ZNF521: variants seen among roughly 807,000 people sequenced by gnomAD.
ZNF521 encodes zinc finger protein 521.
ZNF521 carries 14 observed loss-of-function variants against 105.5 expected under a neutral mutation model. The observed-to-expected ratio is 0.13, with a 90% confidence interval of 0.09 to 0.21. ZNF521 has a LOEUF of 0.21. ZNF521 is among the 10% of genes least tolerant of loss of function. The pLI is 1.00. For synonymous variants in ZNF521, 635 were observed against 606.0 expected (o/e 1.05, Z -0.70); for missense variants, 1,233 against 1,629.7 (o/e 0.76, Z 4.19).
intron 3 of ZNF521, among the ~76,000 whole-genome samples, chr18:25,291,493 T>A (rs1911018233): frequency 6.6e-6 from 1 of 152,158 alleles, no homozygotes; most frequent in Non-Finnish European, 1.5e-5. Flanking sequence ...AAGTAATGAA[T>A]TTGAGCTTCA....
At chr18:25,256,077 A>C (rs989257100) in intron 3 of ZNF521, among the ~76,000 whole-genome samples, 2 of 150,084 alleles carry the variant, frequency 1.3e-5, no homozygotes, top group African/African-American at 4.9e-5. Flanking sequence ...ATTATTTATC[A>C]TTAAAGAAGA....
At chr18:25,130,267 T>C (rs1226331687) in intron 5 of ZNF521, among the ~76,000 whole-genome samples, 1 of 152,192 alleles carries the variant, frequency 6.6e-6, no homozygotes, top group Non-Finnish European at 1.5e-5. Flanking sequence ...ATTCCAAGTA[T>C]ATGACATTCT....
At chr18:25,135,251 T>C (rs1011680821) in intron 5 of ZNF521, among the ~76,000 whole-genome samples, 3 of 151,462 alleles carry the variant, frequency 2.0e-5, no homozygotes, top group Non-Finnish European at 2.9e-5. Context: ...ATTTTATATA[T>C]GTACACATAC....
chr18:25,245,342 C>T (rs1337849915), intron 3 of ZNF521, among the ~76,000 whole-genome samples: 1 of 152,156 alleles, frequency 6.6e-6, no homozygotes, highest in Non-Finnish European at 1.5e-5. Context: ...CATGCCTGGA[C>T]ACATGCATAG....
At chr18:25,093,261 G>T (rs946450132) in intron 5 of ZNF521, among the ~76,000 whole-genome samples, 2 of 152,104 alleles carry the variant, frequency 1.3e-5, no homozygotes, top group African/African-American at 4.8e-5. Flanking sequence ...ATATGGTGGA[G>T]CACACACCCA....
At chr18:25,315,279 CTTAA>C (rs1912541300) in intron 3 of ZNF521, among the ~76,000 whole-genome samples, 1 of 152,112 alleles carries the variant, frequency 6.6e-6, no homozygotes, top group Non-Finnish European at 1.5e-5. Flanking sequence ...AAGAGAGGGA[CTTAA>C]TTTTTTCTTT....
At chr18:25,116,357 G>A (rs2034301639) in intron 5 of ZNF521, among the ~76,000 whole-genome samples, 1 of 152,098 alleles carries the variant, frequency 6.6e-6, no homozygotes, top group African/African-American at 2.4e-5. Flanking sequence ...GGGTTGCATT[G>A]GGGTTGAGTG....
Position 25,225,947 on chromosome 18 carries a change from G to A in ZNF521, c.1971C>T (p.Leu657=), listed in dbSNP as rs773791451. ...DSFQTHLKTH[L]DTVLPKLTCP... ...AGGTCAATTTTGGAAGCACAGTGTC[G>A]AGATGAGTTTTTAGGTGAGTCTGAA... Residue 657 remains leucine (L), a synonymous_variant, in exon 4 of 8, where the codon CTC becomes CTT. Coordinates refer to ENST00000361524, the MANE Select transcript of ZNF521 (RefSeq NM_015461.3). The surrounding 1 kb of genome is among the most constrained non-coding windows in gnomAD (Gnocchi z 5.6). The A allele has an allele frequency of 5.7e-5, 92 of 1,614,100 alleles. 1 individual carries two copies. The South Asian group carries it at 6.1e-4, about 11-fold the overall frequency.
At chr18:25,083,209 G>A (rs2033542442) in intron 7 of ZNF521, among the ~76,000 whole-genome samples, 1 of 151,998 alleles carries the variant, frequency 6.6e-6, no homozygotes, top group Non-Finnish European at 1.5e-5. Context: ...GTAGTTAGAG[G>A]TTAAAAACCA....
intron 2 of ZNF521, among the ~76,000 whole-genome samples, chr18:25,327,923 C>A (rs1913327798): frequency 6.6e-6 from 1 of 152,090 alleles, no homozygotes; most frequent in Non-Finnish European, 1.5e-5. Flanking sequence ...GGCTGAGCAT[C>A]CCCGGAACCA....
intron 5 of ZNF521, among the ~76,000 whole-genome samples, chr18:25,191,056 T>C (rs2035809343): frequency 6.6e-6 from 1 of 152,196 alleles, no homozygotes; most frequent in South Asian, 2.1e-4. Context: ...GCTTTAACAT[T>C]ACACTTGATC....
chr18:25,131,996 G>C (rs1044442840), intron 5 of ZNF521, among the ~76,000 whole-genome samples: 1 of 152,044 alleles, frequency 6.6e-6, no homozygotes, highest in African/African-American at 2.4e-5. Flanking sequence ...TAGAAAGAAA[G>C]GATTTTTTAA....
intron 3 of ZNF521, among the ~76,000 whole-genome samples, chr18:25,241,054 CATCT>C (rs1266853582): frequency 6.6e-6 from 1 of 151,816 alleles, no homozygotes; most frequent in Non-Finnish European, 1.5e-5. Flanking sequence ...TTAGGCGTCT[CATCT>C]GTGTGTTTTA....
chr18:25,205,876 TA>T, intron 4 of ZNF521, among the ~76,000 whole-genome samples: 2 of 152,324 alleles, frequency 1.3e-5, no homozygotes, highest in East Asian at 3.9e-4. Context: ...TTATCTCATT[TA>T]AAAAATTCTC....
At chr18:25,121,273 CTTT>C (rs55714696) in intron 5 of ZNF521, among the ~76,000 whole-genome samples, 62 of 126,218 alleles carry the variant, frequency 4.9e-4, no homozygotes, top group South Asian at 3.5e-3. Context: ...CTTCTTCTTC[CTTT>C]TTTTTTTTTT....
rs77602032 is a variant in ZNF521 at position 25,100,233 on chromosome 18, A to C, written c.3659-8152T>G. On this transcript the variant is annotated intron_variant, in intron 5 of 7. Transcript: ENST00000361524. ...TGCTGATGATTTTTTAAACAACAAA[A>C]GCAAATCAAACAAACACAAGAAATT... Among the ~76,000 whole-genome samples, 1,203 of 152,298 alleles carry C rather than the reference A, an allele frequency of 7.9e-3. 14 individuals carry two copies. The highest frequency in any genetic ancestry group is 0.028 in the African/African-American group (1,165 of 41,568).
At chr18:25,215,647 A>C (rs191368639) in intron 4 of ZNF521, among the ~76,000 whole-genome samples, 1 of 152,328 alleles carries the variant, frequency 6.6e-6, no homozygotes, top group African/African-American at 2.4e-5. Flanking sequence ...TTTGAATTTC[A>C]TAAGTTCTAA....
At chr18:25,097,856 C>G (rs924832001) in intron 5 of ZNF521, among the ~76,000 whole-genome samples, 22 of 152,186 alleles carry the variant, frequency 1.4e-4, no homozygotes, top group African/African-American at 4.6e-4. Flanking sequence ...ACTTTATAAG[C>G]AAAGCCACTG....
At chr18:25,151,484 G>T (rs1405215664) in intron 5 of ZNF521, among the ~76,000 whole-genome samples, 1 of 152,186 alleles carries the variant, frequency 6.6e-6, no homozygotes, top group East Asian at 1.9e-4. Context: ...CCAATGATAT[G>T]TTGAGTGAAT....
Sources: allele counts gnomAD v4.1 joint callset (sites outside exome capture counted in the v4.1 genomes callset), GRCh38; gene constraint gnomAD v4.1.1; non-coding constraint Gnocchi (gnomAD v3.1); transcripts MANE v1.5; gene names NCBI Gene and HGNC (gene_info 2026-07-23, HGNC 2026-07-21).